Variants in RB1CC1 observed in about 807,000 individuals in gnomAD.
RB1CC1 encodes the protein RB1-inducible coiled-coil protein 1.
In RB1CC1, 46 loss-of-function variants were observed where a neutral mutation model predicts 177.5. The ratio of observed to expected loss-of-function variants is 0.26; its 90% CI spans 0.20 to 0.33. The LOEUF is 0.33. RB1CC1 is among the 10% of genes least tolerant of loss of function. The pLI is 1.00. For synonymous variants in RB1CC1, 666 were observed against 613.6 expected, an observed-to-expected ratio of 1.09 and a Z score of -1.26; for missense variants, 1,703 against 1,816.3, an observed-to-expected ratio of 0.94 and a Z score of 1.13.
intron 22 of RB1CC1, among the ~76,000 whole-genome samples, chr8:52,627,332 G>C (rs375427062): frequency 6.6e-6 from 1 of 152,296 alleles, no homozygotes; most frequent in African/African-American, 2.4e-5. Flanking sequence ...AGGCGACAGA[G>C]CAAGACTCCG....
In RB1CC1 at chr8:52,676,372, G is replaced by T; in HGVS notation, c.569C>A (p.Thr190Asn). 5.6e-6 allele frequency: 9 copies of T among 1,597,446 alleles called. No homozygotes were observed. Among genetic ancestry groups the T allele is most frequent in the Non-Finnish European group, 7.7e-6 (9 of 1,169,988 alleles). Residue 190 changes from threonine (T) to asparagine (N), a missense_variant, in exon 6 of 24, where the codon ACT becomes AAT. Physicochemically the swap from Thr to Asn is moderately conservative, Grantham distance 65. Transcript: ENST00000025008. Reference protein sequence around the residue: ...QSIEDIKLKLTHLGTAVSVMA... With the variant: ...QSIEDIKLKLNHLGTAVSVMA... ...TCCATTTTAATGGCAAACATACTGA[G>T]TAAGTTTTAACTTGATGTCTTCTAT...
intron 20 of RB1CC1, 118 bp downstream of exon 20, chr8:52,634,803 A>C: frequency 1.2e-6 from 1 of 855,998 alleles, no homozygotes; most frequent in Non-Finnish European, 1.8e-6. Flanking sequence ...GGACCAACAA[A>C]CCTACTATAG....
At chr8:52,671,340 T>C (rs1852577417) in intron 7 of RB1CC1, among the ~76,000 whole-genome samples, 1 of 152,248 alleles carries the variant, frequency 6.6e-6, no homozygotes, top group Non-Finnish European at 1.5e-5. Flanking sequence ...TAAACTGAAT[T>C]TCCTTTTACG....
Position 52,656,594 on chromosome 8 carries a change from C to T in RB1CC1, c.3235G>A (p.Glu1079Lys). The change falls in exon 15 of 24, where the codon GAA becomes AAA. Residue 1079 changes from glutamate to lysine, a missense_variant. Physicochemically the swap from Glu to Lys is moderately conservative, Grantham distance 56. Around this residue, in one of 6 missense-constraint regions of RB1CC1, gnomAD observed 1,169 missense variants for 1,184.7 expected, o/e 0.99. Transcript: ENST00000025008. ...TCCTTCTGCTGGGCTCTGCTTTCTTCCAGCAAAATTTTTATTTCATCAGTT... is the reference window on the plus strand; with the variant it reads ...TCCTTCTGCTGGGCTCTGCTTTCTTTCAGCAAAATTTTTATTTCATCAGTT... ...AETDEIKILL[E>K]ESRAQQKETL... is the part of the protein sequence containing the mutation. 2 of 1,613,022 alleles carry T rather than the reference C, an allele frequency of 1.2e-6. No homozygotes were observed. The highest frequency in any genetic ancestry group is 1.7e-6 in the Non-Finnish European group (2 of 1,179,550).
intron 14 of RB1CC1, 21 bp downstream of exon 14, chr8:52,657,977 G>A (rs535524124): frequency 6.2e-7 from 1 of 1,613,334 alleles, no homozygotes; most frequent in South Asian, 1.1e-5. Context: ...GAAGAAAACT[G>A]TTTGAAAGAA....
At chr8:52,700,559 A>G (rs1276456074) in intron 1 of RB1CC1, among the ~76,000 whole-genome samples, 1 of 152,078 alleles carries the variant, frequency 6.6e-6, no homozygotes, top group Admixed American at 6.5e-5. Flanking sequence ...AAAAGAAAAA[A>G]AATCAGCAAC....
rs772924884 is a variant in RB1CC1 at position 52,656,616 on chromosome 8, A to G, written c.3213T>C (p.Thr1071=). 1.2e-6 allele frequency: 2 copies of G among 1,613,390 alleles called. No homozygotes were observed. Among genetic ancestry groups the G allele is most frequent in the South Asian group, 1.1e-5 (1 of 90,866 alleles). ...CTTCCAGCAAAATTTTTATTTCATC[A>G]GTTTCTGCTTCCTTCAACGCAAGTT... The part of the protein sequence containing the change: ...EVELALKEAE[T]DEIKILLEES... The change falls in exon 15 of 24, where the codon ACT becomes ACC. Residue 1071 remains threonine, a synonymous_variant. Transcript: ENST00000025008.
chr8:52,629,029 G>T (rs1848584043), intron 21 of RB1CC1, among the ~76,000 whole-genome samples: 1 of 152,134 alleles, frequency 6.6e-6, no homozygotes, highest in Non-Finnish European at 1.5e-5. Context: ...CCTCTATGAG[G>T]CAGTATTTTT....
Position 52,685,428 on chromosome 8 carries a change from T to C in RB1CC1, c.42A>G (p.Leu14=), listed in dbSNP as rs371717414. The change falls in exon 3 of 24, where the codon CTA becomes CTG. Residue 14 remains leucine, a synonymous_variant. Transcript: ENST00000025008. ...GCACTGTAAGTTCAGTGTCAAATGT[T>C]AGAGTAGTTCCAGTGTTAACCAGAA... ...YVFLVNTGTT[L]TFDTELTVQT... 3 of 1,602,162 alleles carry C rather than the reference T, an allele frequency of 1.9e-6. No homozygotes were observed. Among genetic ancestry groups the C allele is most frequent in the African/African-American group, 1.3e-5 (1 of 74,584 alleles).
At chr8:52,651,104 T>C (rs1850533304) in intron 15 of RB1CC1, among the ~76,000 whole-genome samples, 1 of 152,150 alleles carries the variant, frequency 6.6e-6, no homozygotes, top group South Asian at 2.1e-4. Flanking sequence ...AAAATACATA[T>C]GGGAATAGAT....
At chr8:52,699,830 A>AATATATATATATATAT (rs1211106554) in intron 1 of RB1CC1, among the ~76,000 whole-genome samples, 9 of 26,720 alleles carry the variant, frequency 3.4e-4, no homozygotes, top group Non-Finnish European at 4.6e-4. Flanking sequence ...AAAAAAAAAA[A>AATATATATATATATAT]ATATATATAT....
intron 2 of RB1CC1, 69 bp downstream of exon 2, chr8:52,686,783 AG>A: frequency 3.0e-6 from 1 of 336,208 alleles, no homozygotes; most frequent in South Asian, 2.4e-5. Flanking sequence ...TTTAAAATTA[AG>A]ATTTCCAGAA....
chr8:52,675,674 T>C (rs1255567540), intron 6 of RB1CC1, among the ~76,000 whole-genome samples: 8 of 133,518 alleles, frequency 6.0e-5, no homozygotes, highest in African/African-American at 2.3e-4. Flanking sequence ...ATCGAGACCA[T>C]CCTGCCTAAC....
At chr8:52,632,009 T>A (rs1242759793) in intron 20 of RB1CC1, among the ~76,000 whole-genome samples, 1 of 152,186 alleles carries the variant, frequency 6.6e-6, no homozygotes, top group Non-Finnish European at 1.5e-5. Context: ...TTTAAAAAAA[T>A]TTGTGAACAA....
intron 15 of RB1CC1, among the ~76,000 whole-genome samples, chr8:52,649,884 A>C (rs1850415629): frequency 6.6e-6 from 1 of 152,196 alleles, no homozygotes; most frequent in South Asian, 2.1e-4. Flanking sequence ...TATAAACTTT[A>C]ATAATTCCAA....
intron 22 of RB1CC1, 132 bp downstream of exon 22, chr8:52,627,899 AT>A (rs1185205487): frequency 1.1e-5 from 8 of 722,154 alleles, no homozygotes; most frequent in East Asian, 6.3e-5. Context: ...TACAGATTTT[AT>A]AAAAAAGCAG....
At position 52,676,005 on chromosome 8, in the gene RB1CC1, C is replaced by G. The variant is rs192684536; in HGVS notation, c.572+364G>C. On this transcript the variant is annotated intron_variant, in intron 6 of 23. Transcript: ENST00000025008. ...AGAACTTAAAATTTTCCTCCATTGT[C>G]CAGTGTTTGATAATGTGCCTATTTC... Among the ~76,000 whole-genome samples, 176 of 152,032 alleles carry G rather than the reference C, an allele frequency of 1.2e-3. 1 individual carries two copies. Among genetic ancestry groups the G allele is most frequent in the African/African-American group, 4.0e-3 (165 of 41,484 alleles).
rs540806438 is a variant in RB1CC1 at position 52,655,691 on chromosome 8, AC to A, written c.3821+316del. Among the ~76,000 whole-genome samples the A allele has an allele frequency of 8.2e-4, 125 of 152,222 alleles. 1 individual carries two copies. The highest frequency in any genetic ancestry group is 2.9e-3 in the African/African-American group (120 of 41,576). ...TTTCTACTGAAGAGTTTAGAAAAAAACTGCAAATAAATCAAGAGAGAAACTT... is the reference window on the plus strand; with the variant it reads ...TTTCTACTGAAGAGTTTAGAAAAAAATGCAAATAAATCAAGAGAGAAACTT... On this transcript the variant is annotated intron_variant, in intron 15 of 23. Coordinates refer to ENST00000025008, the MANE Select transcript of RB1CC1 (RefSeq NM_014781.5).
chr8:52,712,313 G>A (rs1857124280), intron 1 of RB1CC1, among the ~76,000 whole-genome samples: 1 of 152,078 alleles, frequency 6.6e-6, no homozygotes, highest in South Asian at 2.1e-4. Flanking sequence ...TCAAATATCT[G>A]CTGAATGTAT....
Sources: allele counts gnomAD v4.1 joint callset (sites outside exome capture counted in the v4.1 genomes callset), GRCh38; gene constraint gnomAD v4.1.1; regional missense constraint gnomAD v4.1.1; transcripts MANE v1.5; gene names NCBI Gene and HGNC (gene_info 2026-07-23, HGNC 2026-07-21).